Variants in DHRS12 observed in about 807,000 individuals in gnomAD.
DHRS12 encodes the protein dehydrogenase/reductase 12, also known as dehydrogenase/reductase SDR family member 12.
DHRS12 carries 29 observed loss-of-function variants against 32.1 expected under a neutral mutation model. That is an observed-to-expected ratio of 0.90 (90% CI 0.67 to 1.23). DHRS12 has a LOEUF of 1.23. DHRS12 is among the 50% of genes most tolerant of loss of function. The probability of loss-of-function intolerance (pLI) is 0.00; values close to 1 mark genes in which losing one functional copy is unlikely to be tolerated. For missense variants in DHRS12, 330 were observed against 337.2 expected (o/e 0.98, Z 0.17); for synonymous variants, 150 against 135.9 (o/e 1.10, Z -0.72).
At chr13:51,759,620 GT>G in the DHRS12 span, 1 of 785,456 alleles carries the variant, frequency 1.3e-6, no homozygotes, top group Non-Finnish European at 2.1e-6. Flanking sequence ...TGGAAATCAT[GT>G]TAGTATAGTA....
intron 4 of DHRS12, among the ~76,000 whole-genome samples, chr13:51,789,062 T>C (rs926519069): frequency 6.6e-6 from 1 of 152,148 alleles, no homozygotes; most frequent in African/African-American, 2.4e-5. Context: ...ACCAGCCTTA[T>C]CAGTAACAAC....
At chr13:51,792,927 CT>C (rs954917862) in intron 2 of DHRS12, among the ~76,000 whole-genome samples, 414 of 143,750 alleles carry the variant, frequency 2.9e-3, no homozygotes, top group Non-Finnish European at 3.2e-3. Context: ...TGCTGCTGAT[CT>C]TTTTTTTTTT....
intron 4 of DHRS12, among the ~76,000 whole-genome samples, chr13:51,781,237 G>C (rs1954689350): frequency 1.3e-5 from 2 of 152,208 alleles, no homozygotes; most frequent in Admixed American, 1.3e-4. Flanking sequence ...TGAGCTCTTA[G>C]AAGACATTCA....
chr13:51,768,494 T>A, intron 8 of DHRS12, 198 bp from the exon 9 acceptor site: 1 of 1,420,046 alleles, frequency 7.0e-7, no homozygotes, highest in Admixed American at 2.9e-5. Context: ...GTTTGGGAAC[T>A]GGGAGGCTGC....
Position 51,768,228 on chromosome 13 carries a change from G to GT in DHRS12, c.765dup (p.Leu256ThrfsTer3), listed in dbSNP as rs1953839537. Reference sequence around the variant, plus strand: ...GCCAGCTGTTCCAGGATTTCAATGAGTTTCTCCTCTTCGGCCGGTGAGGAG... The same window carrying GT: ...GCCAGCTGTTCCAGGATTTCAATGAGTTTTCTCCTCTTCGGCCGGTGAGGAG... On this transcript the variant is annotated frameshift_variant, in exon 9 of 9. Coordinates refer to ENST00000444610, the MANE Select transcript of DHRS12 (RefSeq NM_001377533.1). LOFTEE classifies it high-confidence loss of function. 9.8e-6 allele frequency: 15 copies of GT among 1,535,994 alleles called. No homozygotes were observed. The highest frequency in any genetic ancestry group is 1.2e-5 in the Non-Finnish European group (14 of 1,146,920).
At chr13:51,786,950 A>G (rs1954986364) in intron 4 of DHRS12, among the ~76,000 whole-genome samples, 1 of 152,202 alleles carries the variant, frequency 6.6e-6, no homozygotes, top group Non-Finnish European at 1.5e-5. Context: ...GGACTCGGAC[A>G]GGGGTCCAGG....
At chr13:51,801,666 G>C (rs1232963166) in intron 1 of DHRS12, among the ~76,000 whole-genome samples, 1 of 152,134 alleles carries the variant, frequency 6.6e-6, no homozygotes, top group Non-Finnish European at 1.5e-5. Context: ...TCTGTGAAAG[G>C]CTTTTCCGGT....
chr13:51,762,398 C>T, the DHRS12 span: 1 of 152,410 alleles, frequency 6.6e-6, no homozygotes, highest in East Asian at 1.9e-4. Flanking sequence ...CTTCACAGCC[C>T]ACTGGTGTTG....
intron 5 of DHRS12, 115 bp from the exon 6 acceptor site, chr13:51,774,149 T>C: frequency 1.3e-6 from 1 of 799,942 alleles, no homozygotes; most frequent in Non-Finnish European, 2.1e-6. Flanking sequence ...AATTAGTGGC[T>C]TGAAGCAACA....
Position 51,799,603 on chromosome 13 carries a change from T to C in DHRS12, c.57A>G (p.Glu19=). 6.2e-7 allele frequency: 1 copy of C among 1,614,168 alleles called. No individual in the cohort carries two copies. The change falls in exon 2 of 9, where the codon GAA becomes GAG. Residue 19 remains glutamate (E), a synonymous_variant. Coordinates refer to ENST00000444610, the MANE Select transcript of DHRS12 (RefSeq NM_001377533.1). ...SLMTWRSRFL[E]ESFWSLEETA... is the part of the protein sequence containing the mutation. ...TTTCCTCCAGTGACCAAAAAGACTC[T>C]TCCAGGAATCTGGACCTCCAAGTCA... is the stretch of plus-strand genomic sequence containing the variant.
intron 4 of DHRS12, among the ~76,000 whole-genome samples, chr13:51,781,134 G>A (rs1243699255): frequency 2.6e-5 from 4 of 152,124 alleles, no homozygotes; most frequent in Non-Finnish European, 5.9e-5. Flanking sequence ...AGTGAGCCTG[G>A]GGGGCTCACA....
chr13:51,794,404 C>A (rs1955418419), intron 2 of DHRS12, among the ~76,000 whole-genome samples: 3 of 152,206 alleles, frequency 2.0e-5, no homozygotes, highest in Admixed American at 2.0e-4. Flanking sequence ...AGAAATCATT[C>A]TGGAGAAATG....
At chr13:51,767,584 G>A (rs1953789547), downstream of DHRS12, 3 of 152,860 alleles carry the variant, frequency 2.0e-5, no homozygotes, top group Admixed American at 1.9e-4. Flanking sequence ...GTCACTAAGA[G>A]GTAAAATGGT....
At chr13:51,801,581 T>C (rs539029198) in intron 1 of DHRS12, among the ~76,000 whole-genome samples, 1 of 152,314 alleles carries the variant, frequency 6.6e-6, no homozygotes, top group East Asian at 1.9e-4. Flanking sequence ...GTAGGGACTT[T>C]GAGAGCATTT....
intron 7 of DHRS12, among the ~76,000 whole-genome samples, chr13:51,770,074 C>CTAG (rs1485971798): frequency 2.0e-5 from 3 of 152,194 alleles, no homozygotes; most frequent in African/African-American, 7.2e-5. Context: ...AATTAAGAGC[C>CTAG]TTACTGAGAT....
At chr13:51,774,076 A>G (rs766504792) in intron 5 of DHRS12, 42 bp from the exon 6 acceptor site, 1 of 1,576,252 alleles carries the variant, frequency 6.3e-7, no homozygotes, top group African/African-American at 1.4e-5. Context: ...AAAGCCTGTG[A>G]CCCCTTCCAC....
intron 2 of DHRS12, chr13:51,797,931 T>C: frequency 2.0e-6 from 3 of 1,534,894 alleles, no homozygotes; most frequent in Non-Finnish European, 2.6e-6. Flanking sequence ...AATGAAACCA[T>C]CTGTGAGTTA....
At chr13:51,756,436 C>T in the DHRS12 span, 2 of 1,614,032 alleles carry the variant, frequency 1.2e-6, no homozygotes, top group South Asian at 2.2e-5. Flanking sequence ...TCTGTGACAG[C>T]TGCCACGAGG....
chr13:51,796,699 G>A (rs567915109), intron 2 of DHRS12, among the ~76,000 whole-genome samples: 1 of 152,234 alleles, frequency 6.6e-6, no homozygotes, highest in East Asian at 1.9e-4. Flanking sequence ...GTTGCATCCT[G>A]CAGCAGCACC....
Sources: allele counts gnomAD v4.1 joint callset (sites outside exome capture counted in the v4.1 genomes callset), GRCh38; gene constraint gnomAD v4.1.1; transcripts MANE v1.5; gene names NCBI Gene and HGNC (gene_info 2026-07-23, HGNC 2026-07-21).